The following ADGRG6 variants were observed in gnomAD, a reference collection of about 807,000 sequenced individuals.
ADGRG6 encodes the protein adhesion G protein-coupled receptor G6, also known as G-protein coupled receptor 126.
ADGRG6 carries 84 observed loss-of-function variants against 142.4 expected under a neutral mutation model. The ratio of observed to expected loss-of-function variants is 0.59; its 90% CI spans 0.49 to 0.71. The LOEUF is 0.71. Ranked by LOEUF, ADGRG6 falls within the 30% of genes least tolerant of loss-of-function variation. The pLI is 0.00. For missense variants in ADGRG6, 1,367 were observed against 1,466.6 expected, an observed-to-expected ratio of 0.93 and a Z score of 1.11; for synonymous variants, 521 against 520.5, an observed-to-expected ratio of 1.00 and a Z score of -0.01.
chr6:142,328,198 C>CTTTTGTTTTG (rs1247148348), intron 2 of ADGRG6, among the ~76,000 whole-genome samples: 8 of 152,178 alleles, frequency 5.3e-5, no homozygotes, highest in Admixed American at 1.3e-4. Flanking sequence ...CATGCTTATC[C>CTTTTGTTTTG]TTTTGTTTTG....
intron 6 of ADGRG6, among the ~76,000 whole-genome samples, 155 bp downstream of exon 6, chr6:142,383,998 C>T (rs1042654563): frequency 2.0e-5 from 3 of 152,126 alleles, no homozygotes; most frequent in African/African-American, 7.2e-5. Context: ...ATAAAGATCA[C>T]TTAACTCTGT....
Position 142,360,650 on chromosome 6 carries a change from C to A in ADGRG6, c.104-6919C>A, listed in dbSNP as rs761669089. Among the ~76,000 whole-genome samples, 8 of 152,004 alleles carry A rather than the reference C, an allele frequency of 5.3e-5. 1 individual carries two copies. The South Asian group carries it at 6.2e-4, about 12-fold the overall frequency. Reference sequence around the variant, plus strand: ...TGTGCTCTACATTTTCTTTTCTTTTCTTTTATTTATTTATTTAATTTTTAT... The same window carrying A: ...TGTGCTCTACATTTTCTTTTCTTTTATTTTATTTATTTATTTAATTTTTAT... On this transcript the variant is annotated intron_variant, in intron 2 of 24. Transcript: ENST00000367609.
At chr6:142,342,894 A>G (rs993439174) in intron 2 of ADGRG6, among the ~76,000 whole-genome samples, 2 of 151,882 alleles carry the variant, frequency 1.3e-5, no homozygotes, top group African/African-American at 4.8e-5. Context: ...CTAAGAATAT[A>G]AATGAAATTT....
At chr6:142,388,525 T>C (rs150878185) in intron 6 of ADGRG6, among the ~76,000 whole-genome samples, 150 of 152,112 alleles carry the variant, frequency 9.9e-4, no homozygotes, top group Non-Finnish European at 1.6e-3. Context: ...CTGGAAAATA[T>C]CAAAAGTCAA....
intron 2 of ADGRG6, among the ~76,000 whole-genome samples, chr6:142,331,862 A>G (rs1779080543): frequency 6.6e-6 from 1 of 152,134 alleles, no homozygotes; most frequent in African/African-American, 2.4e-5. Context: ...TTTTCATGTT[A>G]ACTTTTTTGT....
intron 22 of ADGRG6, among the ~76,000 whole-genome samples, chr6:142,427,347 G>T (rs542454897): frequency 3.3e-5 from 5 of 152,044 alleles, no homozygotes; most frequent in African/African-American, 1.2e-4. Flanking sequence ...TCAAAATGCC[G>T]CCAGACTCTT....
At chr6:142,439,073 C>T (rs1308531412) in intron 24 of ADGRG6, among the ~76,000 whole-genome samples, 1 of 152,058 alleles carries the variant, frequency 6.6e-6, no homozygotes, top group East Asian at 1.9e-4. Context: ...ATTGCTTGTG[C>T]CCTGGAGTTC....
rs570498666 is a variant in ADGRG6, at chr6:142,426,708, G to A, written c.3319+6604G>A. On this transcript the variant is annotated intron_variant, in intron 22 of 24. Coordinates refer to ENST00000367609, the MANE Select transcript of ADGRG6 (RefSeq NM_198569.3). The stretch of plus-strand genomic sequence containing the variant: ...CTGCCCTAGCGGAGGTTCTCCATGA[G>A]GGCCTCACCCCTGCAGCAAACTTTT... Among the ~76,000 whole-genome samples, 36 of 152,268 alleles carry A rather than the reference G, an allele frequency of 2.4e-4. No homozygotes were observed. In the South Asian group the frequency reaches 7.2e-3, roughly 31 times the overall value.
chr6:142,405,749 T>C lies in ADGRG6; in HGVS notation c.2189T>C (p.Leu730Pro). ...LASVILPPNLLENLSPEDSVL... is the reference protein window; with the variant it reads ...LASVILPPNLPENLSPEDSVL... Reference sequence around the variant, plus strand: ...TCTGTAATTTTGCCTCCAAACTTACTTGAGAATTTAAGTCCAGAAGATTCT... The same window carrying C: ...TCTGTAATTTTGCCTCCAAACTTACCTGAGAATTTAAGTCCAGAAGATTCT... The change falls in exon 15 of 25, where the codon CTT becomes CCT. Residue 730 changes from leucine (L) to proline (P), a missense_variant. By Grantham distance (98) the Leu-to-Pro change is moderately conservative. Around this residue, in one of 3 missense-constraint regions of ADGRG6, gnomAD observed 286 missense variants for 371.4 expected, o/e 0.77. Coordinates refer to ENST00000367609, the MANE Select transcript of ADGRG6 (RefSeq NM_198569.3). The C allele has an allele frequency of 6.2e-7, 1 of 1,607,132 alleles. No homozygotes were observed.
rs532022680 is a variant in ADGRG6, at chr6:142,409,938, G to A, written c.2434+19G>A. ...AAAAACAGTAAGTTTTAAAATATTG[G>A]TTGTCTTAATATAGATAACAACTGA... On this transcript the variant is annotated intron_variant, in intron 17 of 24. Coordinates refer to ENST00000367609, the MANE Select transcript of ADGRG6 (RefSeq NM_198569.3). 7.1e-5 allele frequency: 91 copies of A among 1,286,938 alleles called. No homozygotes were observed. The South Asian group carries it at 1.1e-3, about 16-fold the overall frequency. 79.7% of individuals were successfully genotyped at this position (1,286,938 alleles called of 1,614,324 possible). A position where few individuals can be genotyped will look rare whatever the true frequency, so the allele number is the denominator to read the frequency against.
intron 6 of ADGRG6, among the ~76,000 whole-genome samples, chr6:142,385,774 T>C (rs1781990568): frequency 1.3e-5 from 2 of 152,188 alleles, no homozygotes; most frequent in African/African-American, 4.8e-5. Flanking sequence ...TAATCAAATT[T>C]GAAATAATTG....
At chr6:142,360,531 C>T (rs1263632769) in intron 2 of ADGRG6, among the ~76,000 whole-genome samples, 1 of 152,118 alleles carries the variant, frequency 6.6e-6, no homozygotes, top group Admixed American at 6.5e-5. Context: ...CTAGGACAGG[C>T]CACAAGGAAC....
At chr6:142,377,382 C>T (rs548765442) in intron 4 of ADGRG6, among the ~76,000 whole-genome samples, 1 of 152,346 alleles carries the variant, frequency 6.6e-6, no homozygotes, top group African/African-American at 2.4e-5. Flanking sequence ...GGCATGAATT[C>T]CCCGTGGCTC....
At chr6:142,350,484 A>G (rs1299877235) in intron 2 of ADGRG6, among the ~76,000 whole-genome samples, 3 of 152,114 alleles carry the variant, frequency 2.0e-5, no homozygotes, top group African/African-American at 7.2e-5. Flanking sequence ...CAACTCATAA[A>G]CTCAGCAACT....
intron 24 of ADGRG6, chr6:142,440,888 T>A: frequency 7.9e-7 from 1 of 1,265,224 alleles, no homozygotes; most frequent in Non-Finnish European, 1.1e-6. Flanking sequence ...GATCTAGATA[T>A]TCATATGTTT....
intron 2 of ADGRG6, among the ~76,000 whole-genome samples, chr6:142,342,084 G>A (rs930300821): frequency 5.9e-5 from 9 of 152,024 alleles, no homozygotes; most frequent in African/African-American, 2.2e-4. Flanking sequence ...GAACTGGCTA[G>A]AAGAGCCTGC....
intron 2 of ADGRG6, among the ~76,000 whole-genome samples, chr6:142,342,172 A>G (rs1031154676): frequency 3.3e-5 from 5 of 152,058 alleles, no homozygotes; most frequent in African/African-American, 1.2e-4. Flanking sequence ...TTGGAGAGAT[A>G]CAGCAAATGG....
intron 4 of ADGRG6, among the ~76,000 whole-genome samples, chr6:142,371,479 T>G (rs1408711092): frequency 7.3e-6 from 1 of 137,108 alleles, no homozygotes; most frequent in African/African-American, 3.1e-5. Context: ...TTACTGTTTT[T>G]TTTTGTTTTT....
Position 142,383,807 on chromosome 6 carries a change from A to T in ADGRG6, c.1186A>T (p.Met396Leu). Reference sequence around the variant, plus strand: ...TACACCACCCACTGTCACCACTAACATGCCTGTTACTAACAGAATCGATAA... The same window carrying T: ...TACACCACCCACTGTCACCACTAACTTGCCTGTTACTAACAGAATCGATAA... Reference protein sequence around the residue: ...STTPPTVTTNMPVTNRIDKQR... With the variant: ...STTPPTVTTNLPVTNRIDKQR... Residue 396 changes from methionine to leucine, a missense_variant, in exon 6 of 25, where the codon ATG (methionine) becomes TTG (leucine). Around this residue, in one of 3 missense-constraint regions of ADGRG6, gnomAD observed 737 missense variants for 746.5 expected, o/e 0.99. Coordinates refer to ENST00000367609, the MANE Select transcript of ADGRG6 (RefSeq NM_198569.3). 1 of 1,576,972 alleles carries T rather than the reference A, an allele frequency of 6.3e-7. No homozygotes were observed.
Sources: gnomAD v4.1 joint callset for allele counts (sites outside exome capture counted in the v4.1 genomes callset) on GRCh38, gnomAD v4.1.1 for gene constraint, gnomAD v4.1.1 regional missense constraint, MANE v1.5 for transcripts, NCBI Gene and HGNC (gene_info 2026-07-23, HGNC 2026-07-21) for gene names.